The following PLA2G4C variants were observed in gnomAD, a reference collection of about 807,000 sequenced individuals.
PLA2G4C encodes the protein phospholipase A2 group IVC.
A neutral mutation model predicts 73.8 loss-of-function variants in PLA2G4C; 64 were observed. That is an observed-to-expected ratio of 0.87 (90% CI 0.71 to 1.07). The LOEUF is 1.07. Among genes scored for constraint, PLA2G4C ranks in the 50% least tolerant of loss-of-function variants. PLA2G4C has a pLI of 0.00. For missense variants in PLA2G4C, 622 were observed against 665.4 expected, an observed-to-expected ratio of 0.93 and a Z score of 0.72; for synonymous variants, 254 against 252.1, an observed-to-expected ratio of 1.01 and a Z score of -0.07.
chr19:48,077,310 A>G (rs1280428818), intron 11 of PLA2G4C, among the ~76,000 whole-genome samples: 1 of 152,086 alleles, frequency 6.6e-6, no homozygotes, highest in African/African-American at 2.4e-5. Flanking sequence ...CCAAGCTGAG[A>G]TTCAAATCAA....
At chr19:48,100,722 A>G (rs71355799) in intron 4 of PLA2G4C, among the ~76,000 whole-genome samples, 43,609 of 150,602 alleles carry the variant, frequency 0.29, 9,738 homozygotes, top group African/African-American at 0.63. Context: ...ATCCTGGCTA[A>G]CATGGTGAAA....
intron 13 of PLA2G4C, among the ~76,000 whole-genome samples, chr19:48,062,891 T>C (rs1968245503): frequency 6.6e-6 from 1 of 152,254 alleles, no homozygotes; most frequent in Admixed American, 6.5e-5. Flanking sequence ...TGATGACATG[T>C]GCCCAAGGCG....
chr19:48,078,963 A>G (rs185054283), intron 10 of PLA2G4C, among the ~76,000 whole-genome samples: 156 of 150,884 alleles, frequency 1.0e-3, no homozygotes, highest in Middle Eastern at 0.01. Flanking sequence ...CTGCTTCCCA[A>G]GTTCAAGCGA....
At chr19:48,106,414 C>A in intron 2 of PLA2G4C, 108 bp downstream of exon 2, 1 of 897,704 alleles carries the variant, frequency 1.1e-6, no homozygotes. Flanking sequence ...CCATCTATCT[C>A]CACCAAGCGA....
intron 9 of PLA2G4C, among the ~76,000 whole-genome samples, chr19:48,086,289 G>C (rs1444337188): frequency 6.6e-6 from 1 of 152,128 alleles, no homozygotes; most frequent in Non-Finnish European, 1.5e-5. Flanking sequence ...AGGGTGGGAG[G>C]GGATCTGCCT....
At chr19:48,106,756 G>A (rs1402421914) in intron 1 of PLA2G4C, 195 bp from the exon 2 acceptor site, 4 of 569,742 alleles carry the variant, frequency 7.0e-6, no homozygotes, top group South Asian at 2.3e-5. Context: ...AGGAGAATGG[G>A]AGAAATATTT....
At chr19:48,075,212 A>G (rs2030066901) in intron 11 of PLA2G4C, among the ~76,000 whole-genome samples, 1 of 150,710 alleles carries the variant, frequency 6.6e-6, no homozygotes, top group Non-Finnish European at 1.5e-5. Context: ...GAGACAGAGT[A>G]TTGCTCTGTT....
rs780596721 is a variant in PLA2G4C at position 48,092,558 on chromosome 19, GGAATAT to G, written c.710-2147_710-2142del. On this transcript the variant is annotated intron_variant, in intron 7 of 16. Transcript: ENST00000599921. The stretch of plus-strand genomic sequence containing the variant: ...GCAAAATGTGGTATATTCGTACAAT[GGAATAT>G]GATTCAGCCATAAAAAGAAAGGAAA... Among the ~76,000 whole-genome samples the G allele has an allele frequency of 1.2e-3, 185 of 152,320 alleles. 2 individuals are homozygous for G. Among genetic ancestry groups the G allele is most frequent in the Admixed American group, 5.9e-4 (9 of 15,300 alleles).
intron 16 of PLA2G4C, 48 bp downstream of exon 16, chr19:48,052,949 C>G: frequency 2.6e-6 from 4 of 1,561,660 alleles, no homozygotes; most frequent in Non-Finnish European, 2.6e-6. Context: ...CCAACAGATA[C>G]TTACTGAACG....
At position 48,083,432 on chromosome 19, in the gene PLA2G4C, CTTTTTCTTTTTCT is replaced by C. The variant is rs1671282569; in HGVS notation, c.844+1614_844+1626del. On this transcript the variant is annotated intron_variant, in intron 10 of 16. Coordinates refer to ENST00000599921, the MANE Select transcript of PLA2G4C (RefSeq NM_003706.3). The stretch of plus-strand genomic sequence containing the variant: ...TTTGTTTGTTTCATTTCTTTTTTTT[CTTTTTCTTTTTCT>C]TTTTTCTTTTTTTTTTTTTGAGACT... 1.5e-4 allele frequency among the ~76,000 whole-genome samples: 6 copies of C among 41,298 alleles called. No individual in the cohort carries two copies. In the South Asian group the frequency reaches 4.3e-3, roughly 30 times the overall value. The allele number at this position is 41,298 out of a possible 152,430, so 27.1% of individuals were successfully genotyped here.
intron 4 of PLA2G4C, 52 bp downstream of exon 4, chr19:48,104,536 A>T (rs1275423176): frequency 2.5e-6 from 4 of 1,588,602 alleles, no homozygotes; most frequent in Non-Finnish European, 3.4e-6. Flanking sequence ...GGAGGAAAAA[A>T]ATAATCCCAT....
chr19:48,068,720 G>A (rs1382147579), intron 12 of PLA2G4C, among the ~76,000 whole-genome samples: 4 of 141,554 alleles, frequency 2.8e-5, no homozygotes, highest in African/African-American at 1.1e-4. Context: ...ATACAAGGGA[G>A]ACCTTGTATC....
intron 12 of PLA2G4C, among the ~76,000 whole-genome samples, chr19:48,070,912 T>A (rs1968632101): frequency 9.9e-6 from 1 of 101,084 alleles, no homozygotes; most frequent in Non-Finnish European, 2.0e-5. Context: ...AATTAAATTT[T>A]AAAAAATCCT....
rs191130131 is a variant in PLA2G4C at position 48,074,201 on chromosome 19, T to C, written c.1006+566A>G. On this transcript the variant is annotated intron_variant, in intron 12 of 16. Transcript: ENST00000599921. ...TCCCTGCGTCCATGTGTTCTCATCATTCAGCTCCCACTTATAAGTGAGAAC... is the reference window on the plus strand; with the variant it reads ...TCCCTGCGTCCATGTGTTCTCATCACTCAGCTCCCACTTATAAGTGAGAAC... Among the ~76,000 whole-genome samples, 65 of 151,658 alleles carry C rather than the reference T, an allele frequency of 4.3e-4. No individual in the cohort carries two copies. In the East Asian group the frequency reaches 0.012, roughly 27 times the overall value.
intron 7 of PLA2G4C, among the ~76,000 whole-genome samples, chr19:48,091,080 G>A (rs1327246198): frequency 1.3e-5 from 2 of 152,044 alleles, no homozygotes; most frequent in Admixed American, 6.6e-5. Flanking sequence ...TCAGCATGAG[G>A]GTGACTTAAT....
chr19:48,074,833 G>T lies in PLA2G4C; in HGVS notation c.940C>A (p.Leu314Ile). 1 of 1,612,734 alleles carries T rather than the reference G, an allele frequency of 6.2e-7. No individual in the cohort carries two copies. Among genetic ancestry groups the T allele is most frequent in the East Asian group, 2.2e-5 (1 of 44,842 alleles). Reference sequence around the variant, plus strand: ...AGGGAGGTCCTGGTCCAATTCTCGAGCATCTCAGTCAGCCAGGTGTGTTCA... The same window carrying T: ...AGGGAGGTCCTGGTCCAATTCTCGATCATCTCAGTCAGCCAGGTGTGTTCA... The part of the protein sequence containing the change: ...EPEHTWLTEM[L>I]ENWTRTSLEK... Residue 314 changes from leucine (L) to isoleucine (I), a missense_variant, in exon 12 of 17, where the codon CTC (leucine) becomes ATC (isoleucine). Coordinates refer to ENST00000599921, the MANE Select transcript of PLA2G4C (RefSeq NM_003706.3).
At position 48,074,732 on chromosome 19, in the gene PLA2G4C, A is replaced by G. The variant is rs765221285; in HGVS notation, c.1006+35T>C. 3.5e-6 allele frequency: 5 copies of G among 1,430,862 alleles called. No homozygotes were observed. The South Asian group carries it at 5.7e-5, about 16-fold the overall frequency. The allele number at this position is 1,430,862 out of a possible 1,614,324, so 88.6% of individuals were successfully genotyped here. ...AGGGGGGAGAAGGTTGGTGGCACTT[A>G]CTGTTGATGACACTTATCACACTAC... On this transcript the variant is annotated intron_variant, in intron 12 of 16. Coordinates refer to ENST00000599921, the MANE Select transcript of PLA2G4C (RefSeq NM_003706.3).
intron 4 of PLA2G4C, among the ~76,000 whole-genome samples, chr19:48,101,823 T>C (rs1298147680): frequency 6.6e-6 from 1 of 151,714 alleles, no homozygotes; most frequent in African/African-American, 2.4e-5. Context: ...TACAGGTGCG[T>C]GCCACCACAC....
chr19:48,110,398 A>G, intron 1 of PLA2G4C, 89 bp downstream of exon 1: 1 of 772,252 alleles, frequency 1.3e-6, no homozygotes, highest in South Asian at 2.2e-5. Flanking sequence ...AGAAAAAGAA[A>G]TCCTGTTATT....
Sources: allele counts gnomAD v4.1 joint callset (sites outside exome capture counted in the v4.1 genomes callset), GRCh38; gene constraint gnomAD v4.1.1; transcripts MANE v1.5; gene names NCBI Gene and HGNC (gene_info 2026-07-23, HGNC 2026-07-21).